SLC2A1: variants seen among roughly 807,000 people sequenced by gnomAD.
SLC2A1 encodes the protein solute carrier family 2, facilitated glucose transporter member 1.
SLC2A1 carries 4 observed loss-of-function variants against 46.6 expected under a neutral mutation model. The ratio of observed to expected loss-of-function variants is 0.09; its 90% CI spans 0.04 to 0.20. SLC2A1 has a LOEUF of 0.20. SLC2A1 is among the 10% of genes least tolerant of loss of function. The pLI is 1.00. For synonymous variants in SLC2A1, 253 were observed against 270.0 expected, an observed-to-expected ratio of 0.94 and a Z score of 0.62; for missense variants, 352 against 667.0, an observed-to-expected ratio of 0.53 and a Z score of 5.20.
chr1:42,945,063 G>T (rs1643637126), intron 1 of SLC2A1, among the ~76,000 whole-genome samples: 1 of 152,172 alleles, frequency 6.6e-6, no homozygotes, highest in Admixed American at 6.5e-5. Flanking sequence ...TAATTCAGAG[G>T]CTGTGGCAAG....
intron 1 of SLC2A1, chr1:42,952,578 G>T: frequency 3.1e-6 from 1 of 324,028 alleles, no homozygotes; most frequent in Admixed American, 3.9e-5. Flanking sequence ...AGGGCTGTGG[G>T]ATGGAGGCAA....
rs189575527 is a variant in SLC2A1, at chr1:42,930,542, T to C, written c.516+84A>G. 1.0e-5 allele frequency: 16 copies of C among 1,574,212 alleles called. No individual in the cohort carries two copies. The Admixed American group carries it at 2.8e-4, about 27-fold the overall frequency. ...TGTGGGGGCTGGGCGGAAGAGAAACTCTGCCCTGCTGGGCACAGATCCGAG... is the reference window on the plus strand; with the variant it reads ...TGTGGGGGCTGGGCGGAAGAGAAACCCTGCCCTGCTGGGCACAGATCCGAG... On this transcript the variant is annotated intron_variant, in intron 4 of 9. Coordinates refer to ENST00000426263, the MANE Select transcript of SLC2A1 (RefSeq NM_006516.4). This position sits in a 1 kb window ranked among gnomAD's most constrained non-coding sequence, Gnocchi z 6.2.
rs866016840 is a variant in SLC2A1, at chr1:42,929,524, C to G, written c.867+69G>C. ...CGTATCTGTTGTTTCAAGTTTGGGA[C>G]TTGTTCACCATGCACACTTGACCAG... On this transcript the variant is annotated intron_variant, in intron 6 of 9. Coordinates refer to ENST00000426263, the MANE Select transcript of SLC2A1 (RefSeq NM_006516.4). This position sits in a 1 kb window ranked among gnomAD's most constrained non-coding sequence, Gnocchi z 6.0. The G allele has an allele frequency of 2.0e-6, 3 of 1,467,610 alleles. No individual in the cohort carries two copies. The African/African-American group carries it at 4.2e-5, about 20-fold the overall frequency. The allele number at this position is 1,467,610 out of a possible 1,614,324, so 90.9% of individuals were successfully genotyped here.
rs1406626319 is a variant in SLC2A1 at position 42,927,206 on chromosome 1, A to G, written c.1314T>C (p.Thr438=). Residue 438 remains threonine (T), a synonymous_variant, in exon 10 of 10, where the codon ACT becomes ACC. Coordinates refer to ENST00000426263, the MANE Select transcript of SLC2A1 (RefSeq NM_006516.4). This position sits in a 1 kb window ranked among gnomAD's most constrained non-coding sequence, Gnocchi z 5.3. ...LCGPYVFIIF[T]VLLVLFFIFT... The stretch of plus-strand genomic sequence containing the variant: ...AGATGAAGAACAGAACCAGGAGCAC[A>G]GTGAAGATGATGAAGACGTAGGGAC... The G allele has an allele frequency of 6.2e-7, 1 of 1,614,038 alleles. No homozygotes were observed. Among genetic ancestry groups the G allele is most frequent in the Admixed American group, 1.7e-5 (1 of 60,010 alleles).
In SLC2A1 at chr1:42,927,087, G is replaced by A. The variant is rs994163843; in HGVS notation, c.1433C>T (p.Thr478Ile). The stretch of plus-strand genomic sequence containing the variant: ...CAGGGGATGGAACAGCTCCTCGGGT[G>A]TCTTGTCACTTTGGCTGGCTCCCCC... ...RQGGASQSDK[T>I]PEELFHPLGA... The change falls in exon 10 of 10, where the codon ACA (threonine) becomes ATA (isoleucine). Residue 478 changes from threonine to isoleucine, a missense_variant. Physicochemically the swap from Thr to Ile is moderately conservative, Grantham distance 89. This residue lies in a region of SLC2A1 where 41 missense variants were observed against 49.1 expected (regional missense o/e 0.83). Transcript: ENST00000426263. The surrounding 1 kb of genome is among the most constrained non-coding windows in gnomAD (Gnocchi z 5.3). 6.2e-7 allele frequency: 1 copy of A among 1,614,186 alleles called. No individual in the cohort carries two copies. Among genetic ancestry groups the A allele is most frequent in the Non-Finnish European group, 8.5e-7 (1 of 1,180,038 alleles).
chr1:42,938,402 AGG>A (rs924683931), intron 2 of SLC2A1, among the ~76,000 whole-genome samples: 1 of 152,184 alleles, frequency 6.6e-6, no homozygotes, highest in African/African-American at 2.4e-5. Flanking sequence ...CATTTAGAAG[AGG>A]GGAAGATGTC....
Position 42,927,103 on chromosome 1 carries a change from T to C in SLC2A1, c.1417A>G (p.Ser473Gly), listed in dbSNP as rs1421901500. The change falls in exon 10 of 10, where the codon AGC (serine) becomes GGC (glycine). Residue 473 changes from serine to glycine, a missense_variant. Around this residue, in one of 5 missense-constraint regions of SLC2A1, gnomAD observed 41 missense variants for 49.1 expected, o/e 0.83. Coordinates refer to ENST00000426263, the MANE Select transcript of SLC2A1 (RefSeq NM_006516.4). This position sits in a 1 kb window ranked among gnomAD's most constrained non-coding sequence, Gnocchi z 5.3. ...IASGFRQGGA[S>G]QSDKTPEELF... ...TCCTCGGGTGTCTTGTCACTTTGGC[T>C]GGCTCCCCCCTGCCGGAAGCCGGAA... 3 of 1,614,122 alleles carry C rather than the reference T, an allele frequency of 1.9e-6. No individual in the cohort carries two copies. In the African/African-American group the frequency reaches 4.0e-5, roughly 22 times the overall value.
In SLC2A1 at chr1:42,929,795, G is replaced by C; in HGVS notation, c.680-15C>G. The C allele has an allele frequency of 1.2e-6, 2 of 1,614,254 alleles. No homozygotes were observed. The highest frequency in any genetic ancestry group is 1.7e-6 in the Non-Finnish European group (2 of 1,180,038). ...CTTCTTTAGCACTGGGGGGACCGGA[G>C]GGAAGGTGAGGGTGGCTCAGAGTGG... On this transcript the variant is annotated splice_polypyrimidine_tract_variant and intron_variant, in intron 5 of 9. Coordinates refer to ENST00000426263, the MANE Select transcript of SLC2A1 (RefSeq NM_006516.4). The surrounding 1 kb of genome is among the most constrained non-coding windows in gnomAD (Gnocchi z 6.0).
At chr1:42,936,058 C>G (rs1643539410) in intron 2 of SLC2A1, among the ~76,000 whole-genome samples, 1 of 152,090 alleles carries the variant, frequency 6.6e-6, no homozygotes, top group Non-Finnish European at 1.5e-5. Flanking sequence ...GGATTCTAGA[C>G]CACTGCCAGG....
rs550574106 is a variant in SLC2A1 at position 42,937,168 on chromosome 1, T to A, written c.115-5962A>T. 1.3e-5 allele frequency among the ~76,000 whole-genome samples: 2 copies of A among 152,388 alleles called. 1 individual carries two copies. Among genetic ancestry groups the A allele is most frequent in the African/African-American group, 4.8e-5 (2 of 41,600 alleles). ...GCTTGCTCGCATTTCCATCATCGCC[T>A]TTAGAAGACTAACTGTAAGGTACCG... On this transcript the variant is annotated intron_variant, in intron 2 of 9. Coordinates refer to ENST00000426263, the MANE Select transcript of SLC2A1 (RefSeq NM_006516.4).
intron 1 of SLC2A1, among the ~76,000 whole-genome samples, chr1:42,945,951 C>A (rs1334658471): frequency 6.6e-6 from 1 of 152,046 alleles, no homozygotes; most frequent in Non-Finnish European, 1.5e-5. Flanking sequence ...TAGAACAAAG[C>A]AATTTAAATA....
chr1:42,926,167 C>T lies in SLC2A1; in HGVS notation c.*874G>A, dbSNP rs919073445. 1 of 152,676 alleles carries T rather than the reference C, an allele frequency of 6.5e-6. No homozygotes were observed. Among genetic ancestry groups the T allele is most frequent in the Non-Finnish European group, 1.5e-5 (1 of 68,070 alleles). 9.5% of individuals were successfully genotyped at this position (152,676 alleles called of 1,614,324 possible). A position where few individuals can be genotyped will look rare whatever the true frequency, so the allele number is the denominator to read the frequency against. ...ATTTCAAAACCATGTTTCTAAAAACCAGCCATTTATATCTGTTTAGGTAAG... is the reference window on the plus strand; with the variant it reads ...ATTTCAAAACCATGTTTCTAAAAACTAGCCATTTATATCTGTTTAGGTAAG... On this transcript the variant is annotated 3_prime_UTR_variant, in exon 10 of 10. Transcript: ENST00000426263.
intron 2 of SLC2A1, among the ~76,000 whole-genome samples, chr1:42,942,074 G>A (rs989447444): frequency 6.6e-6 from 1 of 152,242 alleles, no homozygotes; most frequent in African/African-American, 2.4e-5. Flanking sequence ...GGGAGTCACT[G>A]CACTCACTTT....
intron 1 of SLC2A1, among the ~76,000 whole-genome samples, chr1:42,946,355 G>A (rs1263505868): frequency 1.3e-5 from 2 of 152,190 alleles, no homozygotes; most frequent in Non-Finnish European, 2.9e-5. Flanking sequence ...TAGGTCTCAT[G>A]CTAAGTAGAG....
intron 2 of SLC2A1, among the ~76,000 whole-genome samples, chr1:42,935,444 T>C (rs1643532759): frequency 1.3e-5 from 2 of 152,070 alleles, no homozygotes; most frequent in South Asian, 2.1e-4. Flanking sequence ...CACTTCCCCT[T>C]TGTAGAGGGG....
chr1:42,929,186 G>C lies in SLC2A1; in HGVS notation c.972+24C>G. 3 of 1,603,084 alleles carry C rather than the reference G, an allele frequency of 1.9e-6. No individual in the cohort carries two copies. The highest frequency in any genetic ancestry group is 2.6e-6 in the Non-Finnish European group (3 of 1,170,088). On this transcript the variant is annotated intron_variant, in intron 7 of 9. Coordinates refer to ENST00000426263, the MANE Select transcript of SLC2A1 (RefSeq NM_006516.4). This position sits in a 1 kb window ranked among gnomAD's most constrained non-coding sequence, Gnocchi z 6.0. ...TGCCTCCTCCCTGGGGTTTGGCTGG[G>C]GGGGCCAGTAAGCAAAGACTCACCG...
chr1:42,927,593 G>T lies in SLC2A1; in HGVS notation c.1278+12C>A. The T allele has an allele frequency of 6.8e-7, 1 of 1,469,790 alleles. No individual in the cohort carries two copies. Among genetic ancestry groups the T allele is most frequent in the Non-Finnish European group, 9.3e-7 (1 of 1,072,228 alleles). 91.0% of individuals were successfully genotyped at this position (1,469,790 alleles called of 1,614,324 possible). A position where few individuals can be genotyped will look rare whatever the true frequency, so the allele number is the denominator to read the frequency against. On this transcript the variant is annotated intron_variant, in intron 9 of 9. Transcript: ENST00000426263. This position sits in a 1 kb window ranked among gnomAD's most constrained non-coding sequence, Gnocchi z 5.3. ...GCGTGCGGGTGAGTATAGAGACAGT[G>T]GGGGTTCTCACCTCCACATACTGGA...
At chr1:42,946,050 G>C (rs1643651759) in intron 1 of SLC2A1, among the ~76,000 whole-genome samples, 1 of 152,212 alleles carries the variant, frequency 6.6e-6, no homozygotes, top group Non-Finnish European at 1.5e-5. Flanking sequence ...CTGGCTATGT[G>C]AGGTAAGTGC....
At chr1:42,956,726 T>C (rs886130071) in intron 1 of SLC2A1, among the ~76,000 whole-genome samples, 1 of 152,218 alleles carries the variant, frequency 6.6e-6, no homozygotes, top group Non-Finnish European at 1.5e-5. Context: ...TGCTACACTA[T>C]TTAGAACCAG....
Sources: allele counts gnomAD v4.1 joint callset (sites outside exome capture counted in the v4.1 genomes callset), GRCh38; gene constraint gnomAD v4.1.1; regional missense constraint gnomAD v4.1.1; non-coding constraint Gnocchi (gnomAD v3.1); transcripts MANE v1.5; gene names NCBI Gene and HGNC (gene_info 2026-07-23, HGNC 2026-07-21).